Variants in SUMF2 observed in about 807,000 individuals in gnomAD.
The protein encoded by SUMF2 is inactive C-alpha-formylglycine-generating enzyme 2.
In SUMF2, 45 loss-of-function variants were observed where a neutral mutation model predicts 44.8. The ratio of observed to expected loss-of-function variants is 1.00; its 90% CI spans 0.79 to 1.29. The LOEUF is 1.29. SUMF2 is among the 50% of genes most tolerant of loss of function. The pLI, the probability that SUMF2 is intolerant of heterozygous loss-of-function variation, is 0.00. For missense variants in SUMF2, 418 were observed against 389.9 expected (o/e 1.07, Z -0.61); for synonymous variants, 148 against 150.4 (o/e 0.98, Z 0.12).
chr7:56,081,068 C>T (rs141230469), downstream of SUMF2: 53 of 1,612,410 alleles, frequency 3.3e-5, no homozygotes, highest in Middle Eastern at 2.0e-4. This position sits in a 1 kb window ranked among gnomAD's most constrained non-coding sequence, Gnocchi z 4.6. Flanking sequence ...TAGTCCTCCT[C>T]GGCCAGGGAG....
At position 56,074,736 on chromosome 7, in the gene SUMF2, G is replaced by A. The variant is rs777921803; in HGVS notation, c.535G>A (p.Gly179Ser). ...WEFAARGGLKGQVYPWGNWFQ... is the reference protein window; with the variant it reads ...WEFAARGGLKSQVYPWGNWFQ... ...GTTTGCCGCCCGAGGGGGCTTGAAG[G>A]GTATCCAGATGATAAGGCGATTTTC... Residue 179 changes from glycine to serine, a missense_variant and splice_region_variant, in exon 5 of 9, where the codon GGT (glycine) becomes AGT (serine). Coordinates refer to ENST00000434526, the MANE Select transcript of SUMF2 (RefSeq NM_015411.4). 6 of 1,614,072 alleles carry A rather than the reference G, an allele frequency of 3.7e-6. No individual in the cohort carries two copies. The highest frequency in any genetic ancestry group is 1.6e-4 in the Middle Eastern group (1 of 6,062).
chr7:56,075,256 T>C (rs191961176), intron 5 of SUMF2, among the ~76,000 whole-genome samples: 3 of 150,714 alleles, frequency 2.0e-5, no homozygotes, highest in African/African-American at 7.3e-5. Flanking sequence ...AACTGGAAAA[T>C]TGAAAGAACA....
downstream of SUMF2, chr7:56,083,712 C>A (rs959247521): frequency 6.3e-7 from 1 of 1,574,962 alleles, no homozygotes; most frequent in East Asian, 2.3e-5. Context: ...CCCCTCTCTT[C>A]ATCCTGTGGA....
Position 56,068,547 on chromosome 7 carries a change from C to G in SUMF2, c.133C>G (p.Pro45Ala). 1 of 1,614,024 alleles carries G rather than the reference C, an allele frequency of 6.2e-7. No homozygotes were observed. Among genetic ancestry groups the G allele is most frequent in the Non-Finnish European group, 8.5e-7 (1 of 1,179,990 alleles). The stretch of plus-strand genomic sequence containing the variant: ...GAGATTCCTGATGGGAACAAATTCT[C>G]CAGACAGCAGAGATGGTGACGGGCC... The part of the protein sequence containing the change: ...GGRFLMGTNS[P>A]DSRDGDGPVR... Residue 45 changes from proline to alanine, a missense_variant, in exon 2 of 9, where the codon CCA becomes GCA. Transcript: ENST00000434526.
In SUMF2 at chr7:56,080,593, T is replaced by A. The variant is rs1313663060; in HGVS notation, c.*981T>A. On this transcript the variant is annotated 3_prime_UTR_variant, in exon 9 of 9. Coordinates refer to ENST00000434526, the MANE Select transcript of SUMF2 (RefSeq NM_015411.4). The stretch of plus-strand genomic sequence containing the variant: ...TTCTCCATATGCCTCCAAAAACATG[T>A]CCCTGGAGAGTAGCCTGCTCCCACA... 1 of 192,936 alleles carries A rather than the reference T, an allele frequency of 5.2e-6. No homozygotes were observed. 12.0% of individuals were successfully genotyped at this position (192,936 alleles called of 1,614,324 possible).
chr7:56,066,082 CAAA>C (rs71015176), intron 1 of SUMF2, among the ~76,000 whole-genome samples: 8 of 69,670 alleles, frequency 1.1e-4, no homozygotes, highest in African/African-American at 3.4e-4. Context: ...CTCCGCCTCA[CAAA>C]AAAAAAAAAA....
chr7:56,074,886 C>A, intron 5 of SUMF2, 150 bp downstream of exon 5: 1 of 965,784 alleles, frequency 1.0e-6, no homozygotes, highest in Non-Finnish European at 1.5e-6. Context: ...TCGCTTGAGG[C>A]CAGGAGTAAA....
chr7:56,083,809 T>C, downstream of SUMF2: 2 of 847,342 alleles, frequency 2.4e-6, no homozygotes, highest in African/African-American at 1.7e-5. Context: ...CTGATACCTC[T>C]AGAAGCTAAG....
rs992828931 is a variant in SUMF2, at chr7:56,077,988, C to A, written c.592-114C>A. ...AGGAATCTTAGGTCACCGCCCCGTG[C>A]CCTTCCCCTTCCCCAGATGCAACAG... On this transcript the variant is annotated intron_variant, in intron 6 of 8. Transcript: ENST00000434526. The A allele has an allele frequency of 3.9e-5, 33 of 835,904 alleles. No homozygotes were observed. The African/African-American group carries it at 4.7e-4, about 12-fold the overall frequency. The allele number at this position is 835,904 out of a possible 1,614,324, so 51.8% of individuals were successfully genotyped here. A position where few individuals can be genotyped will look rare whatever the true frequency, so the allele number is the denominator to read the frequency against.
chr7:56,073,857 A>G, intron 3 of SUMF2: 1 of 341,512 alleles, frequency 2.9e-6, no homozygotes, highest in Non-Finnish European at 5.3e-6. Flanking sequence ...AAAAAGAAAA[A>G]AAAGAAAATT....
chr7:56,076,892 A>G lies in SUMF2; in HGVS notation c.591+3A>G. ...CAAACCGCACCAACCTGTGGCAGGT[A>G]AGACCTACGTTCCTCCTTTCACCAA... On this transcript the variant is annotated splice_donor_region_variant and intron_variant, in intron 6 of 8. Transcript: ENST00000434526. 1 of 1,607,356 alleles carries G rather than the reference A, an allele frequency of 6.2e-7. No individual in the cohort carries two copies. Among genetic ancestry groups the G allele is most frequent in the African/African-American group, 1.3e-5 (1 of 74,866 alleles).
the SUMF2 span, chr7:56,087,888 C>T: frequency 2.5e-6 from 2 of 807,960 alleles, no homozygotes; most frequent in Non-Finnish European, 3.9e-6. Flanking sequence ...ACACTTTCCC[C>T]CAACTTCCTC....
At chr7:56,078,323 G>A (rs376959350) in intron 7 of SUMF2, 41 bp from the exon 8 acceptor site, 208 of 1,558,072 alleles carry the variant, frequency 1.3e-4, no homozygotes, top group South Asian at 2.8e-4. Flanking sequence ...CGGGGTGGTC[G>A]GCGGGTCCCA....
chr7:56,069,315 C>T (rs371176310), intron 2 of SUMF2, among the ~76,000 whole-genome samples: 64 of 152,010 alleles, frequency 4.2e-4, no homozygotes, highest in African/African-American at 1.4e-3. Context: ...CTTTAAATTC[C>T]CCTTATAGGC....
At chr7:56,083,198 A>C, downstream of SUMF2, 78 of 1,294,868 alleles carry the variant, frequency 6.0e-5, no homozygotes, top group Non-Finnish European at 7.4e-5. Context: ...GTTAGGGGAG[A>C]AACCCAGACC....
At chr7:56,068,885 A>G (rs1208928648) in intron 2 of SUMF2, among the ~76,000 whole-genome samples, 1 of 144,392 alleles carries the variant, frequency 6.9e-6, no homozygotes, top group African/African-American at 2.6e-5. Flanking sequence ...TTTTTTTTGT[A>G]TTTTTTTAGT....
downstream of SUMF2, chr7:56,084,289 G>T: frequency 8.7e-7 from 1 of 1,147,198 alleles, no homozygotes; most frequent in Non-Finnish European, 1.3e-6. Context: ...GGGCCTAAAT[G>T]ATGGCTGGAG....
intron 1 of SUMF2, among the ~76,000 whole-genome samples, chr7:56,065,807 G>A (rs1794744487): frequency 1.3e-5 from 2 of 152,070 alleles, no homozygotes; most frequent in African/African-American, 2.4e-5. Flanking sequence ...AATGGGCCAG[G>A]TGAGGTGGCT....
intron 2 of SUMF2, among the ~76,000 whole-genome samples, chr7:56,070,806 A>G (rs1795106495): frequency 6.6e-6 from 1 of 152,148 alleles, no homozygotes; most frequent in Non-Finnish European, 1.5e-5. Flanking sequence ...ATACAATAAG[A>G]TACTACTCAT....
Sources: gnomAD v4.1 joint callset for allele counts (sites outside exome capture counted in the v4.1 genomes callset) on GRCh38, gnomAD v4.1.1 for gene constraint, Gnocchi (gnomAD v3.1) non-coding constraint, MANE v1.5 for transcripts, NCBI Gene and HGNC (gene_info 2026-07-23, HGNC 2026-07-21) for gene names.